The following KPNA1 variants were observed in gnomAD, a reference collection of about 807,000 sequenced individuals.
KPNA1 encodes karyopherin subunit alpha 1.
KPNA1 carries 10 observed loss-of-function variants against 70.5 expected under a neutral mutation model. The observed-to-expected ratio is 0.14, with a 90% confidence interval of 0.09 to 0.24. KPNA1 has a LOEUF of 0.24. Among genes scored for constraint, KPNA1 ranks in the 10% least tolerant of loss-of-function variants. The pLI, the probability that KPNA1 is intolerant of heterozygous loss-of-function variation, is 1.00. For missense variants in KPNA1, 397 were observed against 637.9 expected (o/e 0.62, Z 4.07); for synonymous variants, 192 against 221.9 (o/e 0.87, Z 1.20).
intron 1 of KPNA1, among the ~76,000 whole-genome samples, chr3:122,507,607 A>C (rs1007498910): frequency 2.0e-5 from 3 of 152,156 alleles, no homozygotes; most frequent in African/African-American, 7.2e-5. Flanking sequence ...AAAGCTTATC[A>C]ACCTACCTAA....
intron 11 of KPNA1, among the ~76,000 whole-genome samples, chr3:122,436,772 A>G (rs1470399471): frequency 6.6e-6 from 1 of 152,164 alleles, no homozygotes. Flanking sequence ...AATAATGAAA[A>G]CGATATACGT....
intron 3 of KPNA1, among the ~76,000 whole-genome samples, chr3:122,465,557 T>C (rs2076370702): frequency 6.6e-6 from 1 of 152,232 alleles, no homozygotes; most frequent in South Asian, 2.1e-4. Flanking sequence ...AATCCTGACT[T>C]GAACCCTCCT....
chr3:122,483,147 G>A, intron 2 of KPNA1: 1 of 154,374 alleles, frequency 6.5e-6, no homozygotes. Context: ...GAAAAGGAAA[G>A]CAGAGAAAAT....
chr3:122,441,537 AACT>A (rs1560021560), intron 10 of KPNA1, among the ~76,000 whole-genome samples: 2 of 152,162 alleles, frequency 1.3e-5, no homozygotes, highest in Non-Finnish European at 2.9e-5. Flanking sequence ...GACAACCCCA[AACT>A]ACTACAAGCA....
chr3:122,448,686 T>C (rs998057337), intron 9 of KPNA1, among the ~76,000 whole-genome samples: 2 of 151,960 alleles, frequency 1.3e-5, no homozygotes, highest in Non-Finnish European at 2.9e-5. Context: ...GGCACATGTA[T>C]ACCTATGTAA....
chr3:122,500,630 G>A (rs2076817274), intron 1 of KPNA1, among the ~76,000 whole-genome samples: 1 of 151,944 alleles, frequency 6.6e-6, no homozygotes, highest in African/African-American at 2.4e-5. Context: ...CCAAGTATCT[G>A]GGACTACAGG....
intron 13 of KPNA1, 110 bp from the exon 14 acceptor site, chr3:122,427,282 G>T: frequency 2.4e-6 from 2 of 845,308 alleles, no homozygotes; most frequent in Non-Finnish European, 3.6e-6. Flanking sequence ...TGTTCTTGAT[G>T]TAAAGAAAGA....
chr3:122,455,712 C>T (rs1288985674), intron 5 of KPNA1, among the ~76,000 whole-genome samples: 2 of 152,072 alleles, frequency 1.3e-5, no homozygotes, highest in Non-Finnish European at 1.5e-5. Flanking sequence ...TGTGCCACCA[C>T]GCCCGGCTAA....
chr3:122,426,916 G>T lies in KPNA1; in HGVS notation c.*69C>A. ...TTGAGAAGTTAGCTCCATGAGGACTGTGGGCTCCACAAGAGGACTCGACTG... is the reference window on the plus strand; with the variant it reads ...TTGAGAAGTTAGCTCCATGAGGACTTTGGGCTCCACAAGAGGACTCGACTG... On this transcript the variant is annotated 3_prime_UTR_variant, in exon 14 of 14. Coordinates refer to ENST00000344337, the MANE Select transcript of KPNA1 (RefSeq NM_002264.4). 8.0e-7 allele frequency: 1 copy of T among 1,255,148 alleles called. No individual in the cohort carries two copies. The highest frequency in any genetic ancestry group is 1.1e-6 in the Non-Finnish European group (1 of 874,352). 77.8% of individuals were successfully genotyped at this position (1,255,148 alleles called of 1,614,324 possible). A position where few individuals can be genotyped will look rare whatever the true frequency, so the allele number is the denominator to read the frequency against.
chr3:122,484,251 T>C (rs972948538), intron 2 of KPNA1, among the ~76,000 whole-genome samples: 1 of 152,200 alleles, frequency 6.6e-6, no homozygotes, highest in South Asian at 2.1e-4. Context: ...CTGGAATAAC[T>C]GTTTAAAAAA....
At chr3:122,448,814 T>A (rs999630480) in intron 9 of KPNA1, among the ~76,000 whole-genome samples, 1 of 151,792 alleles carries the variant, frequency 6.6e-6, no homozygotes, top group African/African-American at 2.4e-5. Context: ...ATACAAAGGA[T>A]TACTTCCCAG....
chr3:122,503,264 T>C (rs1164271330), intron 1 of KPNA1, among the ~76,000 whole-genome samples: 3 of 151,552 alleles, frequency 2.0e-5, no homozygotes, highest in African/African-American at 4.8e-5. Context: ...TACATATATA[T>C]ATATATAAAG....
At chr3:122,441,820 C>T (rs546105680) in intron 10 of KPNA1, among the ~76,000 whole-genome samples, 17 of 152,270 alleles carry the variant, frequency 1.1e-4, no homozygotes, top group African/African-American at 1.9e-4. Context: ...AGGCTGGTGT[C>T]GAACTCCTGA....
intron 11 of KPNA1, among the ~76,000 whole-genome samples, chr3:122,434,588 C>T (rs1184763580): frequency 6.6e-6 from 1 of 152,150 alleles, no homozygotes; most frequent in Non-Finnish European, 1.5e-5. Flanking sequence ...TATTAATTTA[C>T]ATTCTCAATT....
At chr3:122,474,534 G>A (rs1013133592) in intron 2 of KPNA1, among the ~76,000 whole-genome samples, 2 of 152,116 alleles carry the variant, frequency 1.3e-5, no homozygotes, top group African/African-American at 4.8e-5. Context: ...CATAAATCTA[G>A]TACAATGATC....
chr3:122,496,537 C>CGACCTT lies in KPNA1; in HGVS notation c.28_29insAAGGTC (p.Phe9_Arg10insGlnGly). ...AGATTTGTTCTTGTAACTTTTCAGG[C>CGACCTT]GAAAGTTCTCTTTTCCTGGGGTGGT... On this transcript the variant is annotated inframe_insertion, in exon 2 of 14. Coordinates refer to ENST00000344337, the MANE Select transcript of KPNA1 (RefSeq NM_002264.4). The CGACCTT allele has an allele frequency of 6.2e-7, 1 of 1,613,652 alleles. No individual in the cohort carries two copies. Among genetic ancestry groups the CGACCTT allele is most frequent in the Admixed American group, 1.7e-5 (1 of 60,010 alleles).
At chr3:122,485,843 T>C (rs1029481462) in intron 2 of KPNA1, among the ~76,000 whole-genome samples, 1 of 152,212 alleles carries the variant, frequency 6.6e-6, no homozygotes, top group Admixed American at 6.5e-5. Context: ...TAATTATTAT[T>C]TGCCAATTAA....
intron 12 of KPNA1, among the ~76,000 whole-genome samples, chr3:122,429,895 C>CAA (rs2075877975): frequency 2.0e-5 from 3 of 151,958 alleles, no homozygotes; most frequent in Non-Finnish European, 4.4e-5. Context: ...ATGTTTGTTC[C>CAA]CCTGATGGTA....
intron 9 of KPNA1, among the ~76,000 whole-genome samples, chr3:122,444,058 G>C (rs2076101494): frequency 6.6e-6 from 1 of 152,204 alleles, no homozygotes. Context: ...CACTCCCAGA[G>C]CGGCCATTTT....
Sources: gnomAD v4.1 joint callset for allele counts (sites outside exome capture counted in the v4.1 genomes callset) on GRCh38, gnomAD v4.1.1 for gene constraint, MANE v1.5 for transcripts, NCBI Gene and HGNC (gene_info 2026-07-23, HGNC 2026-07-21) for gene names.